NRXN3: variants seen among roughly 807,000 people sequenced by gnomAD.
The protein encoded by NRXN3 is neurexin III.
In NRXN3, 32 loss-of-function variants were observed where a neutral mutation model predicts 137.6. The ratio of observed to expected loss-of-function variants is 0.23; its 90% CI spans 0.18 to 0.31. The LOEUF is 0.31. Ranked by LOEUF, NRXN3 falls within the 10% of genes least tolerant of loss-of-function variation. NRXN3 has a pLI of 1.00. For missense variants in NRXN3, 1,574 were observed against 2,062.5 expected, an observed-to-expected ratio of 0.76 and a Z score of 4.59; for synonymous variants, 798 against 784.5, an observed-to-expected ratio of 1.02 and a Z score of -0.29.
At chr14:78,339,279 A>G (rs1424367908) in intron 4 of NRXN3, among the ~76,000 whole-genome samples, 1 of 152,228 alleles carries the variant, frequency 6.6e-6, no homozygotes, top group Non-Finnish European at 1.5e-5. Context: ...TAACTGATGA[A>G]GAAACTGAAG....
At chr14:79,779,333 G>A (rs549045051) in intron 19 of NRXN3, among the ~76,000 whole-genome samples, 5 of 151,938 alleles carry the variant, frequency 3.3e-5, no homozygotes, top group Admixed American at 1.3e-4. Context: ...GGCTGGTCTC[G>A]AACTCCCGAC....
chr14:78,334,577 T>G (rs967454822), intron 4 of NRXN3, among the ~76,000 whole-genome samples: 5 of 152,182 alleles, frequency 3.3e-5, no homozygotes, highest in Non-Finnish European at 5.9e-5. Flanking sequence ...AAGTTGTGTG[T>G]GTGCGTGTTT....
intron 10 of NRXN3, among the ~76,000 whole-genome samples, chr14:78,943,660 A>T (rs1214615844): frequency 2.3e-5 from 2 of 87,588 alleles, no homozygotes; most frequent in Non-Finnish European, 4.5e-5. Flanking sequence ...ATATATATAT[A>T]TATATATATA....
chr14:79,819,482 CTTTTTT>C (rs58492725), intron 20 of NRXN3, among the ~76,000 whole-genome samples: 3 of 71,906 alleles, frequency 4.2e-5, no homozygotes, highest in South Asian at 1.4e-3. Flanking sequence ...ACATTAAAAG[CTTTTTT>C]TTTTTTTTTT....
At chr14:78,780,291 C>A (rs1476294598) in intron 8 of NRXN3, among the ~76,000 whole-genome samples, 1 of 151,766 alleles carries the variant, frequency 6.6e-6, no homozygotes, top group Non-Finnish European at 1.5e-5. Flanking sequence ...TTTTATATCA[C>A]CCATGAAAAT....
At chr14:78,507,295 G>A (rs1312092209) in intron 4 of NRXN3, among the ~76,000 whole-genome samples, 3 of 152,184 alleles carry the variant, frequency 2.0e-5, no homozygotes, top group Non-Finnish European at 4.4e-5. Context: ...AGTTCACACA[G>A]CCTACATGTG....
At chr14:79,847,353 C>T (rs1176391895) in intron 20 of NRXN3, among the ~76,000 whole-genome samples, 1 of 152,100 alleles carries the variant, frequency 6.6e-6, no homozygotes, top group African/African-American at 2.4e-5. Flanking sequence ...TTATTTCACC[C>T]TTGTGAGTTG....
intron 15 of NRXN3, among the ~76,000 whole-genome samples, chr14:79,379,823 G>T (rs1159298201): frequency 2.6e-5 from 4 of 151,228 alleles, no homozygotes; most frequent in African/African-American, 9.7e-5. Context: ...TCCAATTTCT[G>T]CCAATAAAAG....
chr14:78,233,353 C>T (rs540642566), intron 1 of NRXN3, among the ~76,000 whole-genome samples: 6 of 152,228 alleles, frequency 3.9e-5, no homozygotes, highest in South Asian at 4.1e-4. Flanking sequence ...ATTTCTCTTC[C>T]GCAGTTGCTT....
rs377215470 is a variant in NRXN3, at chr14:78,537,786, A to G, written c.758-107334A>G. On this transcript the variant is annotated intron_variant, in intron 4 of 20. Transcript: ENST00000335750. ...TAATCCATCTTGAATTAATTTTTGT[A>G]TAAGGTATAAGGAAGGGATCCAGTT... Among the ~76,000 whole-genome samples the G allele has an allele frequency of 1.4e-4, 21 of 152,266 alleles. No individual in the cohort carries two copies. The East Asian group carries it at 3.7e-3, about 27-fold the overall frequency.
chr14:78,764,173 A>G (rs1046587103), intron 8 of NRXN3, among the ~76,000 whole-genome samples: 6 of 152,240 alleles, frequency 3.9e-5, no homozygotes, highest in Non-Finnish European at 5.9e-5. Flanking sequence ...TGAATTGTGC[A>G]TACAATTTAC....
Position 79,543,754 on chromosome 14 carries a change from C to T in NRXN3, c.3444+76352C>T, listed in dbSNP as rs182631028. On this transcript the variant is annotated intron_variant, in intron 16 of 20. Transcript: ENST00000335750. ...GAAGCAGGCCAGGTGGCAAATTGTA[C>T]AGTGCAGGCCCCAATCAAAGTGCAC... Among the ~76,000 whole-genome samples the T allele has an allele frequency of 7.5e-4, 114 of 152,290 alleles. 1 individual carries two copies. The highest frequency in any genetic ancestry group is 2.7e-3 in the African/African-American group (113 of 41,556).
chr14:79,471,570 T>C (rs531563386), intron 16 of NRXN3, among the ~76,000 whole-genome samples: 1 of 152,352 alleles, frequency 6.6e-6, no homozygotes, highest in African/African-American at 2.4e-5. Context: ...TCAATTCATC[T>C]GAAGTAGTCA....
chr14:79,760,222 A>G (rs2099033607), intron 19 of NRXN3, among the ~76,000 whole-genome samples: 1 of 151,602 alleles, frequency 6.6e-6, no homozygotes, highest in Non-Finnish European at 1.5e-5. Context: ...CATTAGAAAA[A>G]AGTGTGGCGA....
intron 15 of NRXN3, among the ~76,000 whole-genome samples, chr14:79,126,253 C>A (rs922631418): frequency 2.0e-5 from 3 of 152,050 alleles, no homozygotes; most frequent in Non-Finnish European, 4.4e-5. Flanking sequence ...TATACATGTG[C>A]CGTGCTGGTG....
chr14:79,395,172 C>A (rs1207894276), intron 15 of NRXN3, among the ~76,000 whole-genome samples: 5 of 152,126 alleles, frequency 3.3e-5, no homozygotes, highest in Non-Finnish European at 7.3e-5. Flanking sequence ...ATGAAATATT[C>A]CCTTTACAAA....
intron 6 of NRXN3, among the ~76,000 whole-genome samples, chr14:78,652,600 G>A (rs1441834790): frequency 6.6e-6 from 1 of 152,150 alleles, no homozygotes; most frequent in Admixed American, 6.5e-5. Context: ...TCCTCTTGGG[G>A]CATATGTTTT....
chr14:78,748,535 A>T (rs183819861), intron 8 of NRXN3, among the ~76,000 whole-genome samples: 21 of 152,206 alleles, frequency 1.4e-4, no homozygotes, highest in Middle Eastern at 3.4e-3. Flanking sequence ...TATGAAATTT[A>T]AAAAAATTAT....
chr14:78,851,316 A>G (rs1473836379), intron 10 of NRXN3, among the ~76,000 whole-genome samples: 1 of 152,182 alleles, frequency 6.6e-6, no homozygotes, highest in Admixed American at 6.6e-5. Flanking sequence ...GTGAAATTCA[A>G]GATGCCAATG....
Sources: allele counts gnomAD v4.1 joint callset (sites outside exome capture counted in the v4.1 genomes callset), GRCh38; gene constraint gnomAD v4.1.1; transcripts MANE v1.5; gene names NCBI Gene and HGNC (gene_info 2026-07-23, HGNC 2026-07-21).